Variants in CACNA1A observed in about 807,000 individuals in gnomAD.
CACNA1A encodes voltage-dependent P/Q-type calcium channel subunit alpha-1A.
A neutral mutation model predicts 262.4 loss-of-function variants in CACNA1A; 57 were observed. That is an observed-to-expected ratio of 0.22 (90% CI 0.18 to 0.27). The LOEUF (loss-of-function observed/expected upper bound fraction) is 0.27. Among genes scored for constraint, CACNA1A ranks in the 10% least tolerant of loss-of-function variants. The pLI is 1.00. For synonymous variants in CACNA1A, 1,431 were observed against 1,419.3 expected (o/e 1.01, Z -0.18); for missense variants, 2,526 against 3,562.8 (o/e 0.71, Z 7.41).
intron 36 of CACNA1A, among the ~76,000 whole-genome samples, chr19:13,227,940 GTC>G (rs147481169): frequency 2.3e-5 from 3 of 132,464 alleles, no homozygotes; most frequent in African/African-American, 8.8e-5. Context: ...AAGAGACAGG[GTC>G]TCTCTCTGTC....
Position 13,207,756 on chromosome 19 carries a change from T to C in CACNA1A, c.7078A>G (p.Ser2360Gly), listed in dbSNP as rs2054619402. ...TCCATCCTGGGCGAGCGGCCGCTGCTGTGGCCCCCCGTGGGCGGCCGATCT... is the reference window on the plus strand; with the variant it reads ...TCCATCCTGGGCGAGCGGCCGCTGCCGTGGCCCCCCGTGGGCGGCCGATCT... ...AGDRPPTGGH[S>G]SGRSPRMERR... Residue 2360 changes from serine to glycine, a missense_variant, in exon 47 of 47, where the codon AGC becomes GGC. Ser to Gly is a moderately conservative substitution (Grantham distance 56). Transcript: ENST00000360228. The surrounding 1 kb of genome is among the most constrained non-coding windows in gnomAD (Gnocchi z 5.7). 2.2e-6 allele frequency: 3 copies of C among 1,374,946 alleles called. No homozygotes were observed. Among genetic ancestry groups the C allele is most frequent in the Non-Finnish European group, 2.8e-6 (3 of 1,072,124 alleles). 85.2% of individuals were successfully genotyped at this position (1,374,946 alleles called of 1,614,324 possible).
chr19:13,277,236 G>A (rs2057172581), intron 22 of CACNA1A, 108 bp from the exon 23 acceptor site: 2 of 731,662 alleles, frequency 2.7e-6, no homozygotes, highest in African/African-American at 1.8e-5. Context: ...CCCAGAAGAG[G>A]AAACACAGCT....
At chr19:13,245,154 C>A in intron 31 of CACNA1A, 28 bp downstream of exon 31, 1 of 1,587,602 alleles carries the variant, frequency 6.3e-7, no homozygotes, top group Non-Finnish European at 8.7e-7. Context: ...CCCAGAGTCA[C>A]CCAGAGAGAA....
chr19:13,254,995 T>C lies in CACNA1A; in HGVS notation c.4755+100A>G, dbSNP rs10402924. 5.7e-3 allele frequency: 6,906 copies of C among 1,218,826 alleles called. 303 individuals carry two copies. The African/African-American group carries it at 0.09, about 16-fold the overall frequency. 75.5% of individuals were successfully genotyped at this position (1,218,826 alleles called of 1,614,324 possible). A position where few individuals can be genotyped will look rare whatever the true frequency, so the allele number is the denominator to read the frequency against. ...AAAATCTCAGAGGTGATCCAGAGTGTGGTCTGTCTGGGAAACTGCAGATGG... is the reference window on the plus strand; with the variant it reads ...AAAATCTCAGAGGTGATCCAGAGTGCGGTCTGTCTGGGAAACTGCAGATGG... On this transcript the variant is annotated intron_variant, in intron 29 of 46. Coordinates refer to ENST00000360228, the MANE Select transcript of CACNA1A (RefSeq NM_001127222.2).
At chr19:13,392,141 G>A (rs888413077) in intron 3 of CACNA1A, among the ~76,000 whole-genome samples, 1 of 152,020 alleles carries the variant, frequency 6.6e-6, no homozygotes, top group Admixed American at 6.6e-5. Context: ...AGCTCAGGAG[G>A]TTGAGGCTAC....
In CACNA1A at chr19:13,373,659, C is replaced by A. The variant is rs79127882; in HGVS notation, c.540-1880G>T. 8.9e-3 allele frequency among the ~76,000 whole-genome samples: 1,356 copies of A among 152,322 alleles called. 8 individuals carry two copies. The highest frequency in any genetic ancestry group is 0.017 in the Admixed American group (264 of 15,300). The stretch of plus-strand genomic sequence containing the variant: ...TCACCTCTCAGATGAACTACTTGCA[C>A]AAGGATTGCCCTAAATTCTTGTTTC... On this transcript the variant is annotated intron_variant, in intron 3 of 46. Coordinates refer to ENST00000360228, the MANE Select transcript of CACNA1A (RefSeq NM_001127222.2).
At chr19:13,404,587 G>A (rs1325265535) in intron 3 of CACNA1A, among the ~76,000 whole-genome samples, 1 of 152,158 alleles carries the variant, frequency 6.6e-6, no homozygotes, top group Non-Finnish European at 1.5e-5. Flanking sequence ...GAGCAAAGCT[G>A]AGGTAGGCAG....
At chr19:13,361,149 T>C (rs182282402) in intron 5 of CACNA1A, among the ~76,000 whole-genome samples, 2 of 152,060 alleles carry the variant, frequency 1.3e-5, no homozygotes, top group Admixed American at 1.3e-4. Flanking sequence ...GTTCTGGGGG[T>C]GAGGGACACC....
chr19:13,393,906 C>A (rs753616817), intron 3 of CACNA1A, among the ~76,000 whole-genome samples: 15 of 151,474 alleles, frequency 9.9e-5, no homozygotes, highest in Admixed American at 1.3e-4. Context: ...ACCTCTGCCT[C>A]CCAGATTCAA....
At chr19:13,224,577 G>A in intron 38 of CACNA1A, 90 bp downstream of exon 38, 1 of 822,146 alleles carries the variant, frequency 1.2e-6, no homozygotes, top group South Asian at 1.5e-5. Flanking sequence ...TCCGGGTGGT[G>A]ACAGCAGATC....
At chr19:13,365,568 T>C (rs2059195094) in intron 4 of CACNA1A, 99 bp from the exon 5 acceptor site, 2 of 1,084,196 alleles carry the variant, frequency 1.8e-6, no homozygotes, top group Non-Finnish European at 1.3e-6. Context: ...AGCAGGTGTG[T>C]TCCTGAGGGA....
chr19:13,423,488 A>T (rs1237100813), intron 3 of CACNA1A, among the ~76,000 whole-genome samples: 1 of 152,064 alleles, frequency 6.6e-6, no homozygotes, highest in Non-Finnish European at 1.5e-5. Context: ...ATTGAATCCC[A>T]GAGAGAATTT....
chr19:13,227,176 T>A, intron 37 of CACNA1A: 1 of 248,348 alleles, frequency 4.0e-6, no homozygotes, highest in East Asian at 7.0e-5. Flanking sequence ...CCCCCCGGCA[T>A]GTCGGCCATA....
chr19:13,334,894 C>T (rs947034041), intron 7 of CACNA1A, among the ~76,000 whole-genome samples: 2 of 151,914 alleles, frequency 1.3e-5, no homozygotes, highest in African/African-American at 4.8e-5. Context: ...TGTAGCTGGG[C>T]ATGGTGGCAT....
chr19:13,403,994 T>C (rs1466134045), intron 3 of CACNA1A, among the ~76,000 whole-genome samples: 3 of 152,048 alleles, frequency 2.0e-5, no homozygotes, highest in Non-Finnish European at 2.9e-5. Flanking sequence ...GGTACAATGG[T>C]ACATATGTTC....
intron 1 of CACNA1A, among the ~76,000 whole-genome samples, chr19:13,497,588 G>T (rs1599380922): frequency 3.5e-5 from 3 of 85,990 alleles, no homozygotes; most frequent in African/African-American, 9.1e-5. Flanking sequence ...ATAAATTTAT[G>T]TTGTTAAAGC....
chr19:13,289,832 T>G (rs2057491922), intron 19 of CACNA1A, among the ~76,000 whole-genome samples: 2 of 151,960 alleles, frequency 1.3e-5, no homozygotes, highest in South Asian at 4.1e-4. Flanking sequence ...ACGTCTATCC[T>G]ATGCCTGTCC....
intron 3 of CACNA1A, among the ~76,000 whole-genome samples, chr19:13,414,518 A>G (rs2060187501): frequency 6.6e-6 from 1 of 152,206 alleles, no homozygotes; most frequent in South Asian, 2.1e-4. Context: ...GTGGCACAAG[A>G]AAGGTGTCAT....
At chr19:13,385,853 G>A (rs975445511) in intron 3 of CACNA1A, among the ~76,000 whole-genome samples, 1 of 151,992 alleles carries the variant, frequency 6.6e-6, no homozygotes, top group Non-Finnish European at 1.5e-5. Context: ...AGAGGTGGAA[G>A]GCTCAGTATT....
Sources: gnomAD v4.1 joint callset for allele counts (sites outside exome capture counted in the v4.1 genomes callset) on GRCh38, gnomAD v4.1.1 for gene constraint, Gnocchi (gnomAD v3.1) non-coding constraint, MANE v1.5 for transcripts, NCBI Gene and HGNC (gene_info 2026-07-23, HGNC 2026-07-21) for gene names.